The following BICRA variants were observed in gnomAD, a reference collection of about 807,000 sequenced individuals.
BICRA encodes BRD4 interacting chromatin remodeling complex associated protein, also known as BRD4-interacting chromatin-remodeling complex-associated protein.
A neutral mutation model predicts 96.9 loss-of-function variants in BICRA; 31 were observed. The ratio of observed to expected loss-of-function variants is 0.32; its 90% CI spans 0.24 to 0.43. The LOEUF is 0.43. Among genes scored for constraint, BICRA ranks in the 20% least tolerant of loss-of-function variants. The pLI is 1.00. For missense variants in BICRA, 2,283 were observed against 2,190.3 expected, an observed-to-expected ratio of 1.04 and a Z score of -0.84; for synonymous variants, 1,350 against 1,071.8, an observed-to-expected ratio of 1.26 and a Z score of -5.07.
At chr19:47,659,455 C>T (rs11083887) in intron 1 of BICRA, among the ~76,000 whole-genome samples, 71,238 of 151,718 alleles carry the variant, frequency 0.47, 17,349 homozygotes, top group East Asian at 0.76. Flanking sequence ...CCAGCTCTTA[C>T]GGGGCTTTTT....
intron 1 of BICRA, among the ~76,000 whole-genome samples, chr19:47,625,764 C>T (rs1022057574): frequency 2.0e-5 from 3 of 151,788 alleles, no homozygotes; most frequent in Non-Finnish European, 4.4e-5. Flanking sequence ...GGTGTGAAGG[C>T]AGAGGTTGTG....
Position 47,685,741 on chromosome 19 carries a change from CTGTGTGTG to C in BICRA, c.2283+3628_2283+3635del, listed in dbSNP as rs3074109. ...TGTACCCAGATGGATTTGGCAGCCT[CTGTGTGTG>C]TGTGTGTGTGTGTGTGTGTGTGTGT... On this transcript the variant is annotated intron_variant, in intron 7 of 14. Transcript: ENST00000594866. Among the ~76,000 whole-genome samples, 624 of 115,554 alleles carry C rather than the reference CTGTGTGTG, an allele frequency of 5.4e-3. 4 individuals carry two copies. Among genetic ancestry groups the C allele is most frequent in the South Asian group, 0.023 (72 of 3,076 alleles). 75.8% of individuals were successfully genotyped at this position (115,554 alleles called of 152,430 possible). A position where few individuals can be genotyped will look rare whatever the true frequency, so the allele number is the denominator to read the frequency against.
intron 1 of BICRA, among the ~76,000 whole-genome samples, chr19:47,647,498 A>T (rs1359488223): frequency 6.6e-6 from 1 of 152,110 alleles, no homozygotes; most frequent in African/African-American, 2.4e-5. Flanking sequence ...TGCTATGAAC[A>T]TTCTAGAATG....
intron 5 of BICRA, among the ~76,000 whole-genome samples, chr19:47,676,989 C>G (rs1330695802): frequency 6.6e-6 from 1 of 152,112 alleles, no homozygotes; most frequent in Non-Finnish European, 1.5e-5. Context: ...GTTACAGTGG[C>G]CTGCCTGGTC....
intron 1 of BICRA, among the ~76,000 whole-genome samples, chr19:47,616,650 A>G (rs1971989130): frequency 6.6e-6 from 1 of 151,648 alleles, no homozygotes; most frequent in South Asian, 2.1e-4. Context: ...AAAAAAAAAA[A>G]AGGAAGACAA....
intron 7 of BICRA, among the ~76,000 whole-genome samples, chr19:47,686,356 A>T (rs977832963): frequency 3.3e-5 from 5 of 152,114 alleles, no homozygotes; most frequent in African/African-American, 1.2e-4. Context: ...ATACACATCA[A>T]TATTTTCTAT....
chr19:47,681,566 T>C (rs537102599), intron 6 of BICRA, among the ~76,000 whole-genome samples: 11 of 151,592 alleles, frequency 7.3e-5, no homozygotes, highest in Admixed American at 4.6e-4. Flanking sequence ...GAGGGACCAG[T>C]GAACAGACAG....
At chr19:47,629,250 G>A (rs185649888) in intron 1 of BICRA, among the ~76,000 whole-genome samples, 409 of 151,996 alleles carry the variant, frequency 2.7e-3, no homozygotes, top group Non-Finnish European at 4.4e-3. Context: ...TGATCCACCC[G>A]CCTCGGCCTC....
At chr19:47,678,941 A>G (rs1006720291) in intron 5 of BICRA, 9 of 192,370 alleles carry the variant, frequency 4.7e-5, no homozygotes, top group African/African-American at 2.2e-4. Flanking sequence ...CCTGTCACCG[A>G]GGCTGGAGTG....
chr19:47,664,377 A>C (rs1260304062), intron 1 of BICRA, among the ~76,000 whole-genome samples: 1 of 152,138 alleles, frequency 6.6e-6, no homozygotes. Flanking sequence ...TTGTTGCGTC[A>C]TGGCTGTTCT....
At chr19:47,656,907 G>T (rs759716650) in intron 1 of BICRA, among the ~76,000 whole-genome samples, 1 of 151,874 alleles carries the variant, frequency 6.6e-6, no homozygotes, top group Non-Finnish European at 1.5e-5. Flanking sequence ...TGTCGCCCAG[G>T]CTGGAGTGCA....
chr19:47,639,630 T>A (rs918738746), intron 1 of BICRA, among the ~76,000 whole-genome samples: 7 of 9,520 alleles, frequency 7.4e-4, no homozygotes, highest in African/African-American at 2.2e-3. Context: ...GGCCAGCCAA[T>A]TTTTTTTTTT....
intron 1 of BICRA, among the ~76,000 whole-genome samples, chr19:47,650,621 G>A (rs547709342): frequency 3.3e-5 from 5 of 152,286 alleles, no homozygotes; most frequent in Admixed American, 2.6e-4. Context: ...AATATAAAAG[G>A]TGTTGCTCTG....
intron 1 of BICRA, chr19:47,663,515 T>C (rs989375757): frequency 6.6e-6 from 1 of 152,202 alleles, no homozygotes; most frequent in African/African-American, 2.4e-5. Context: ...ATCTCAACTG[T>C]ATTCAAAACT....
At chr19:47,611,248 AAT>A (rs1971902690) in intron 1 of BICRA, among the ~76,000 whole-genome samples, 1 of 152,138 alleles carries the variant, frequency 6.6e-6, no homozygotes, top group Non-Finnish European at 1.5e-5. Flanking sequence ...AAATGTAGAT[AAT>A]ATTTAGAAGA....
In BICRA at chr19:47,695,476, T is replaced by A; in HGVS notation, c.3186+2T>A. 1 of 1,434,296 alleles carries A rather than the reference T, an allele frequency of 7.0e-7. No individual in the cohort carries two copies. The allele number at this position is 1,434,296 out of a possible 1,614,324, so 88.8% of individuals were successfully genotyped here. A position where few individuals can be genotyped will look rare whatever the true frequency, so the allele number is the denominator to read the frequency against. ...CCAGGGAAGCCCTCCGGGCTGCAGGTAAGGGGCCCTTAGAGCAGGGGTCAG... is the reference window on the plus strand; with the variant it reads ...CCAGGGAAGCCCTCCGGGCTGCAGGAAAGGGGCCCTTAGAGCAGGGGTCAG... On this transcript the variant is annotated splice_donor_variant, in intron 10 of 14. Transcript: ENST00000594866. LOFTEE classifies it high-confidence loss of function.
chr19:47,649,159 G>A (rs1233744696), intron 1 of BICRA, among the ~76,000 whole-genome samples: 3 of 151,664 alleles, frequency 2.0e-5, no homozygotes, highest in African/African-American at 4.9e-5. Flanking sequence ...CCTAATTTTT[G>A]TATTTTTAGT....
upstream of BICRA, among the ~76,000 whole-genome samples, chr19:47,608,836 A>AGAGGAG (rs554119282): frequency 5.0e-4 from 72 of 144,480 alleles, no homozygotes; most frequent in South Asian, 1.3e-3. Context: ...GGCGGAGGGA[A>AGAGGAG]GAGGAGGAGG....
At position 47,682,162 on chromosome 19, in the gene BICRA, C is replaced by T. The variant is rs146228551; in HGVS notation, c.2283+10C>T. 1,945 of 1,334,806 alleles carry T rather than the reference C, an allele frequency of 1.5e-3. 14 individuals carry two copies. In the African/African-American group the frequency reaches 0.025, roughly 17 times the overall value. The allele number at this position is 1,334,806 out of a possible 1,614,324, so 82.7% of individuals were successfully genotyped here. A position where few individuals can be genotyped will look rare whatever the true frequency, so the allele number is the denominator to read the frequency against. On this transcript the variant is annotated intron_variant, in intron 7 of 14. Coordinates refer to ENST00000594866, the MANE Select transcript of BICRA (RefSeq NM_001394372.1). The stretch of plus-strand genomic sequence containing the variant: ...GGCTCCGGCCCCCCAGGTAGAGGGA[C>T]CCCAGCAGCCTGTGTCCGCAGCACA...
Sources: gnomAD v4.1 joint callset for allele counts (sites outside exome capture counted in the v4.1 genomes callset) on GRCh38, gnomAD v4.1.1 for gene constraint, MANE v1.5 for transcripts, NCBI Gene and HGNC (gene_info 2026-07-23, HGNC 2026-07-21) for gene names.